RALGAPA1: variants seen among roughly 807,000 people sequenced by gnomAD.
The protein encoded by RALGAPA1 is Ral GTPase activating protein catalytic subunit alpha 1.
Under a neutral mutation model 269.6 loss-of-function variants are expected in RALGAPA1, and 52 were observed. The observed-to-expected ratio is 0.19, with a 90% CI of 0.15 to 0.24. The LOEUF is 0.24. Among genes scored for constraint, RALGAPA1 ranks in the 10% least tolerant of loss-of-function variants. The probability of loss-of-function intolerance (pLI) is 1.00; values close to 1 mark genes in which losing one functional copy is unlikely to be tolerated. For synonymous variants in RALGAPA1, 817 were observed against 1,008.3 expected (o/e 0.81, Z 3.60); for missense variants, 1,917 against 3,013.9 (o/e 0.64, Z 8.52).
At chr14:35,603,055 G>A (rs551438658) in intron 36 of RALGAPA1, among the ~76,000 whole-genome samples, 1 of 152,188 alleles carries the variant, frequency 6.6e-6, no homozygotes, top group African/African-American at 2.4e-5. Flanking sequence ...CACAAATATG[G>A]GGTCTATTTG....
chr14:35,735,035 T>TAA (rs143414634), intron 12 of RALGAPA1, among the ~76,000 whole-genome samples: 4 of 135,356 alleles, frequency 3.0e-5, no homozygotes, highest in East Asian at 2.1e-4. Flanking sequence ...GCCATAATAA[T>TAA]AAAAAAAAAA....
At chr14:35,650,883 T>C (rs72642580) in intron 31 of RALGAPA1, among the ~76,000 whole-genome samples, 17,135 of 150,810 alleles carry the variant, frequency 0.11, 1,622 homozygotes, top group East Asian at 0.37. Flanking sequence ...CTTTGTGCAA[T>C]GATGAAAATG....
intron 4 of RALGAPA1, among the ~76,000 whole-genome samples, chr14:35,763,577 A>G (rs1482946866): frequency 7.2e-5 from 11 of 152,146 alleles, no homozygotes; most frequent in Admixed American, 7.2e-4. Flanking sequence ...TAAGAAATTT[A>G]TCTATACTTA....
intron 1 of RALGAPA1, among the ~76,000 whole-genome samples, chr14:35,805,620 C>A (rs2077311157): frequency 6.6e-6 from 1 of 150,434 alleles, no homozygotes; most frequent in Non-Finnish European, 1.5e-5. Flanking sequence ...AAAGAGATTA[C>A]AAAGGGGCAT....
At chr14:35,592,629 C>T (rs2058706391) in intron 37 of RALGAPA1, among the ~76,000 whole-genome samples, 2 of 152,260 alleles carry the variant, frequency 1.3e-5, no homozygotes, top group Middle Eastern at 3.4e-3. Flanking sequence ...ACCAATCCAA[C>T]AACATATCAA....
At chr14:35,802,799 A>T (rs2077074633) in intron 1 of RALGAPA1, among the ~76,000 whole-genome samples, 1 of 151,778 alleles carries the variant, frequency 6.6e-6, no homozygotes, top group Non-Finnish European at 1.5e-5. Flanking sequence ...CTCTCACCTC[A>T]GCCTCCCAGG....
intron 37 of RALGAPA1, among the ~76,000 whole-genome samples, chr14:35,590,156 T>A (rs2058551822): frequency 6.6e-6 from 1 of 152,176 alleles, no homozygotes; most frequent in Non-Finnish European, 1.5e-5. Context: ...AGTATTGATG[T>A]CTTATCTTGT....
intron 1 of RALGAPA1, among the ~76,000 whole-genome samples, chr14:35,787,439 C>T (rs530966765): frequency 6.6e-6 from 1 of 152,154 alleles, no homozygotes; most frequent in Non-Finnish European, 1.5e-5. Flanking sequence ...TTTTTGGTAA[C>T]ACAAACACAC....
chr14:35,743,941 G>A (rs909096214), intron 10 of RALGAPA1, among the ~76,000 whole-genome samples: 1 of 151,710 alleles, frequency 6.6e-6, no homozygotes. Flanking sequence ...CATTTTCATA[G>A]AAAAAAAATT....
chr14:35,720,136 T>G (rs2069257541), intron 16 of RALGAPA1, among the ~76,000 whole-genome samples: 1 of 152,226 alleles, frequency 6.6e-6, no homozygotes, highest in African/African-American at 2.4e-5. Flanking sequence ...ATCATTTTCC[T>G]TAGGATTCCA....
chr14:35,609,765 G>GA (rs2059810616), intron 35 of RALGAPA1, among the ~76,000 whole-genome samples: 1 of 151,082 alleles, frequency 6.6e-6, no homozygotes, highest in African/African-American at 2.4e-5. Flanking sequence ...TCTACAAAAA[G>GA]AAAAAAACCA....
chr14:35,751,764 A>G (rs892198123), intron 8 of RALGAPA1, among the ~76,000 whole-genome samples: 4 of 151,618 alleles, frequency 2.6e-5, no homozygotes, highest in Admixed American at 2.0e-4. Flanking sequence ...CTCCTGGGTG[A>G]CAGAGTGAGT....
At chr14:35,591,675 G>A (rs1023874576) in intron 37 of RALGAPA1, among the ~76,000 whole-genome samples, 10 of 152,050 alleles carry the variant, frequency 6.6e-5, no homozygotes, top group Admixed American at 4.6e-4. Flanking sequence ...TTGTATCAGA[G>A]TCCATGTACT....
chr14:35,646,526 T>A (rs1353420323), intron 31 of RALGAPA1, among the ~76,000 whole-genome samples: 1 of 152,142 alleles, frequency 6.6e-6, no homozygotes, highest in Non-Finnish European at 1.5e-5. Context: ...ACGCAGGACA[T>A]TTTATACAGT....
chr14:35,564,868 T>C (rs760783898), intron 39 of RALGAPA1, among the ~76,000 whole-genome samples: 15 of 152,126 alleles, frequency 9.9e-5, no homozygotes, highest in Admixed American at 3.9e-4. Context: ...TTCTAAACAC[T>C]CTTTCCTGAT....
intron 16 of RALGAPA1, among the ~76,000 whole-genome samples, chr14:35,719,019 T>G (rs944289484): frequency 1.3e-5 from 2 of 151,900 alleles, no homozygotes; most frequent in Non-Finnish European, 2.9e-5. Context: ...TTTTTGTATT[T>G]TTTTGGTAGA....
intron 1 of RALGAPA1, among the ~76,000 whole-genome samples, chr14:35,790,718 A>T (rs1409502330): frequency 1.3e-5 from 2 of 151,720 alleles, no homozygotes; most frequent in African/African-American, 4.8e-5. Context: ...CCTTGGAACA[A>T]GTATAAATAA....
intron 1 of RALGAPA1, among the ~76,000 whole-genome samples, chr14:35,784,720 A>T (rs1215928754): frequency 6.6e-6 from 1 of 152,206 alleles, no homozygotes; most frequent in African/African-American, 2.4e-5. Flanking sequence ...CTAAGTCTAG[A>T]TATTACAAAC....
At chr14:35,624,539 CTT>C (rs1340776942) in intron 35 of RALGAPA1, among the ~76,000 whole-genome samples, 2 of 151,396 alleles carry the variant, frequency 1.3e-5, no homozygotes, top group Non-Finnish European at 2.9e-5. Flanking sequence ...GAGGAGATAA[CTT>C]TTTGAAGACG....
Sources: gnomAD v4.1 joint callset for allele counts (sites outside exome capture counted in the v4.1 genomes callset) on GRCh38, gnomAD v4.1.1 for gene constraint, MANE v1.5 for transcripts, NCBI Gene and HGNC (gene_info 2026-07-23, HGNC 2026-07-21) for gene names.